GRM5: variants seen among roughly 807,000 people sequenced by gnomAD.
GRM5 encodes glutamate metabotropic receptor 5, also known as metabotropic glutamate receptor 5.
In GRM5, 19 loss-of-function variants were observed where a neutral mutation model predicts 83.1. The ratio of observed to expected loss-of-function variants is 0.23; its 90% CI spans 0.16 to 0.34. The LOEUF is 0.34. Among genes scored for constraint, GRM5 ranks in the 10% least tolerant of loss-of-function variants. The probability of loss-of-function intolerance (pLI) is 1.00; values close to 1 mark genes in which losing one functional copy is unlikely to be tolerated. For synonymous variants in GRM5, 675 were observed against 633.6 expected, an observed-to-expected ratio of 1.07 and a Z score of -0.98; for missense variants, 1,160 against 1,588.3, an observed-to-expected ratio of 0.73 and a Z score of 4.58.
chr11:88,979,426 G>A (rs539800747), intron 2 of GRM5, among the ~76,000 whole-genome samples: 3 of 152,182 alleles, frequency 2.0e-5, no homozygotes, highest in Non-Finnish European at 2.9e-5. Context: ...CATATATCAA[G>A]TGACAAATGT....
At chr11:88,855,349 T>G (rs1483698885) in intron 2 of GRM5, among the ~76,000 whole-genome samples, 1 of 151,896 alleles carries the variant, frequency 6.6e-6, no homozygotes, top group Admixed American at 6.6e-5. Flanking sequence ...ACCCCACATA[T>G]TCTCATTTAT....
intron 8 of GRM5, among the ~76,000 whole-genome samples, chr11:88,559,851 C>A (rs1942714403): frequency 6.6e-6 from 1 of 152,100 alleles, no homozygotes; most frequent in South Asian, 2.1e-4. Context: ...ACAGACAATT[C>A]TAACGTGGGA....
At chr11:88,745,190 TTA>T (rs1942108856) in intron 3 of GRM5, among the ~76,000 whole-genome samples, 1 of 24,466 alleles carries the variant, frequency 4.1e-5, no homozygotes, top group Non-Finnish European at 7.5e-5. Context: ...TTTTTTCTTT[TTA>T]TTTTTCTTTT....
chr11:88,851,783 C>T (rs186814778), intron 2 of GRM5, among the ~76,000 whole-genome samples: 1 of 152,298 alleles, frequency 6.6e-6, no homozygotes, highest in East Asian at 1.9e-4. Flanking sequence ...CAGCTTGAAT[C>T]TCAGCCAAAA....
intron 3 of GRM5, among the ~76,000 whole-genome samples, chr11:88,667,522 G>C (rs1362009526): frequency 6.6e-6 from 1 of 152,046 alleles, no homozygotes; most frequent in Admixed American, 6.6e-5. Flanking sequence ...AGAAAAAGAA[G>C]CACATTAAAC....
intron 2 of GRM5, among the ~76,000 whole-genome samples, chr11:88,872,984 G>T (rs1944795364): frequency 6.8e-6 from 1 of 146,278 alleles, no homozygotes; most frequent in Non-Finnish European, 1.5e-5. Context: ...CATCTATAAA[G>T]ATACACGAAG....
chr11:88,899,444 G>A (rs555393785), intron 2 of GRM5, among the ~76,000 whole-genome samples: 1 of 151,874 alleles, frequency 6.6e-6, no homozygotes, highest in South Asian at 2.1e-4. Flanking sequence ...GGATAATTCT[G>A]GAAGAAAATA....
chr11:88,854,985 A>C (rs928738565), intron 2 of GRM5, among the ~76,000 whole-genome samples: 11 of 151,890 alleles, frequency 7.2e-5, no homozygotes, highest in African/African-American at 2.7e-4. Flanking sequence ...AAGATAATAA[A>C]GTATAACAGC....
chr11:88,740,213 C>T (rs1488574412), intron 3 of GRM5, among the ~76,000 whole-genome samples: 1 of 152,048 alleles, frequency 6.6e-6, no homozygotes, highest in Non-Finnish European at 1.5e-5. Context: ...ATTACTGAAA[C>T]TATTATTTTG....
intron 2 of GRM5, among the ~76,000 whole-genome samples, chr11:88,852,184 G>T (rs182012308): frequency 6.6e-6 from 1 of 152,168 alleles, no homozygotes; most frequent in Admixed American, 6.5e-5. Context: ...AAAAAATTCA[G>T]ATTATTTAGC....
chr11:88,673,152 G>A (rs1413284042), intron 3 of GRM5, among the ~76,000 whole-genome samples: 3 of 151,842 alleles, frequency 2.0e-5, no homozygotes, highest in Admixed American at 6.6e-5. Context: ...GGATTTAAAC[G>A]TTTTCCATTT....
At chr11:88,787,131 A>ACG (rs1555015277) in intron 3 of GRM5, among the ~76,000 whole-genome samples, 12 of 143,340 alleles carry the variant, frequency 8.4e-5, no homozygotes, top group Non-Finnish European at 1.5e-4. Flanking sequence ...ATATGATATG[A>ACG]TGTGTGTGTG....
intron 2 of GRM5, among the ~76,000 whole-genome samples, chr11:89,004,265 G>T (rs985015826): frequency 6.6e-6 from 1 of 152,036 alleles, no homozygotes; most frequent in African/African-American, 2.4e-5. Context: ...GTCTAAGGTA[G>T]GTTTTTCATT....
intron 2 of GRM5, among the ~76,000 whole-genome samples, chr11:89,041,865 T>C (rs548225814): frequency 1.3e-5 from 2 of 152,230 alleles, no homozygotes; most frequent in Non-Finnish European, 2.9e-5. Flanking sequence ...GTAACCAATA[T>C]AATTATACAA....
intron 2 of GRM5, among the ~76,000 whole-genome samples, chr11:88,992,297 T>C (rs1940005014): frequency 6.6e-6 from 1 of 151,906 alleles, no homozygotes; most frequent in African/African-American, 2.4e-5. Context: ...CAGAGAAATG[T>C]AAATGAAAAC....
At chr11:88,559,218 T>C (rs898186826) in intron 8 of GRM5, among the ~76,000 whole-genome samples, 1 of 152,160 alleles carries the variant, frequency 6.6e-6, no homozygotes, top group African/African-American at 2.4e-5. Flanking sequence ...CAGGATATGA[T>C]GGAATCAGAA....
At chr11:88,889,747 T>C (rs1281623465) in intron 2 of GRM5, among the ~76,000 whole-genome samples, 1 of 152,226 alleles carries the variant, frequency 6.6e-6, no homozygotes, top group Non-Finnish European at 1.5e-5. Context: ...TCCATTTTAT[T>C]TCTTGACACT....
intron 4 of GRM5, among the ~76,000 whole-genome samples, chr11:88,619,596 T>C (rs191043727): frequency 1.3e-5 from 2 of 152,288 alleles, no homozygotes; most frequent in Non-Finnish European, 2.9e-5. Context: ...CCTCCTAATT[T>C]CTTGGGTAGT....
At chr11:88,893,093 C>G (rs1052428765) in intron 2 of GRM5, among the ~76,000 whole-genome samples, 8 of 150,386 alleles carry the variant, frequency 5.3e-5, no homozygotes, top group Non-Finnish European at 7.4e-5. Flanking sequence ...GTTTCCACTG[C>G]TGTAGTATTT....
Sources: allele counts gnomAD v4.1 joint callset (sites outside exome capture counted in the v4.1 genomes callset), GRCh38; gene constraint gnomAD v4.1.1; transcripts MANE v1.5; gene names NCBI Gene and HGNC (gene_info 2026-07-23, HGNC 2026-07-21).